THSD7B: variants seen among roughly 807,000 people sequenced by gnomAD.
THSD7B encodes thrombospondin type-1 domain-containing protein 7B.
A neutral mutation model predicts 213.6 loss-of-function variants in THSD7B; 138 were observed. The observed-to-expected ratio is 0.65, with a 90% confidence interval of 0.56 to 0.74. The LOEUF (loss-of-function observed/expected upper bound fraction) is 0.74, where lower values mean the gene tolerates loss of function less well. THSD7B is among the 30% of genes least tolerant of loss of function. THSD7B has a pLI of 0.00. For missense variants in THSD7B, 1,931 were observed against 1,991.5 expected, an observed-to-expected ratio of 0.97 and a Z score of 0.58; for synonymous variants, 742 against 687.0, an observed-to-expected ratio of 1.08 and a Z score of -1.25.
intron 2 of THSD7B, among the ~76,000 whole-genome samples, chr2:136,981,444 G>C (rs528513321): frequency 6.6e-6 from 1 of 152,280 alleles, no homozygotes; most frequent in East Asian, 1.9e-4. Flanking sequence ...TAATCTACAT[G>C]AATTTTTCTT....
At chr2:137,279,235 A>T (rs2104815126) in intron 12 of THSD7B, among the ~76,000 whole-genome samples, 1 of 152,212 alleles carries the variant, frequency 6.6e-6, no homozygotes, top group South Asian at 2.1e-4. Flanking sequence ...TGGTAAAAAT[A>T]TATTTTTTAA....
At chr2:136,821,894 C>A (rs938278951) in intron 1 of THSD7B, among the ~76,000 whole-genome samples, 1 of 152,172 alleles carries the variant, frequency 6.6e-6, no homozygotes, top group Non-Finnish European at 1.5e-5. Context: ...AGAGCTTGTG[C>A]TATGCATAGG....
chr2:137,450,108 A>G (rs1433253841), intron 14 of THSD7B, among the ~76,000 whole-genome samples: 3 of 150,506 alleles, frequency 2.0e-5, no homozygotes, highest in Non-Finnish European at 4.4e-5. Flanking sequence ...GTGGTTCAGT[A>G]GATGGTATAG....
At chr2:137,529,703 G>A (rs1041706091) in intron 15 of THSD7B, among the ~76,000 whole-genome samples, 8 of 151,150 alleles carry the variant, frequency 5.3e-5, no homozygotes, top group Non-Finnish European at 1.2e-4. Context: ...TTTTTAATAA[G>A]ATTATGGTTA....
At chr2:137,640,874 G>A (rs960502738) in intron 20 of THSD7B, among the ~76,000 whole-genome samples, 1 of 152,204 alleles carries the variant, frequency 6.6e-6, no homozygotes, top group Non-Finnish European at 1.5e-5. Context: ...GTTAGGCACA[G>A]AAGTATAAAC....
intron 15 of THSD7B, among the ~76,000 whole-genome samples, chr2:137,477,401 G>T (rs1688215697): frequency 6.6e-6 from 1 of 151,740 alleles, no homozygotes; most frequent in Admixed American, 6.6e-5. Flanking sequence ...ATCTTTACAG[G>T]TAACATGAAT....
intron 13 of THSD7B, among the ~76,000 whole-genome samples, chr2:137,406,579 G>A (rs988246389): frequency 1.4e-4 from 21 of 152,308 alleles, no homozygotes; most frequent in Admixed American, 7.8e-4. Flanking sequence ...AAGCACAGAT[G>A]ACCATTTGTT....
At chr2:137,110,152 C>A (rs1464453819) in intron 4 of THSD7B, among the ~76,000 whole-genome samples, 1 of 152,180 alleles carries the variant, frequency 6.6e-6, no homozygotes, top group Non-Finnish European at 1.5e-5. Flanking sequence ...GTAACTGGTG[C>A]CATGCCATGT....
intron 7 of THSD7B, among the ~76,000 whole-genome samples, chr2:137,191,124 T>C (rs887033652): frequency 2.0e-5 from 3 of 152,182 alleles, no homozygotes; most frequent in African/African-American, 7.2e-5. Flanking sequence ...GCAGAGGTGC[T>C]GATGATAACC....
rs370533856 is a variant in THSD7B at position 137,656,805 on chromosome 2, A to G, written c.4115A>G (p.His1372Arg). ...CTGCATGACTGTCCAGGAGACTGCC[A>G]TTTAACAGAATGGTCAGAGTGGAGC... ...LCSVPCPGDC[H>R]LTEWSEWSTC... The change falls in exon 23 of 28, where the codon CAT (histidine) becomes CGT (arginine). Residue 1372 changes from histidine (H) to arginine (R), a missense_variant. Coordinates refer to ENST00000409968, the MANE Select transcript of THSD7B (RefSeq NM_001316349.2). 36 of 1,613,824 alleles carry G rather than the reference A, an allele frequency of 2.2e-5. No individual in the cohort carries two copies. Among genetic ancestry groups the G allele is most frequent in the Non-Finnish European group, 2.8e-5 (33 of 1,179,776 alleles).
chr2:136,811,521 T>C (rs571291093), intron 1 of THSD7B, among the ~76,000 whole-genome samples: 101 of 152,274 alleles, frequency 6.6e-4, no homozygotes, highest in African/African-American at 2.4e-3. Context: ...ATAATAATTA[T>C]TTATTTATCA....
At chr2:136,986,087 T>C (rs896559346) in intron 2 of THSD7B, among the ~76,000 whole-genome samples, 12 of 152,208 alleles carry the variant, frequency 7.9e-5, no homozygotes, top group African/African-American at 2.7e-4. Context: ...ATAAATAACT[T>C]GTTTTTGATC....
chr2:137,011,886 A>G (rs916123476), intron 2 of THSD7B, among the ~76,000 whole-genome samples: 6 of 152,196 alleles, frequency 3.9e-5, no homozygotes, highest in African/African-American at 1.4e-4. Flanking sequence ...ATTGTTTGTT[A>G]AAAGGATTGC....
intron 7 of THSD7B, among the ~76,000 whole-genome samples, chr2:137,177,553 C>A (rs1680382022): frequency 6.6e-6 from 1 of 152,142 alleles, no homozygotes; most frequent in South Asian, 2.1e-4. Context: ...ATGTTTCCAG[C>A]CCCTACCCCA....
At chr2:136,837,915 G>A (rs1424788389) in intron 1 of THSD7B, among the ~76,000 whole-genome samples, 2 of 152,178 alleles carry the variant, frequency 1.3e-5, no homozygotes, top group South Asian at 2.1e-4. Flanking sequence ...AATGGGTTCA[G>A]GCATAGGACC....
rs755824865 is a variant in THSD7B at position 137,232,913 on chromosome 2, C to A, written c.1930C>A (p.Pro644Thr). The change falls in exon 9 of 28, where the codon CCC becomes ACC. Residue 644 changes from proline to threonine, a missense_variant. Coordinates refer to ENST00000409968, the MANE Select transcript of THSD7B (RefSeq NM_001316349.2). ...ALAGEGGKPC[P>T]PSQALQEHRL... ...ATTTTTGGCAGGTGGAAAGCCATGTCCCCCTAGTCAGGCTCTCCAAGAGCA... is the reference window on the plus strand; with the variant it reads ...ATTTTTGGCAGGTGGAAAGCCATGTACCCCTAGTCAGGCTCTCCAAGAGCA... The A allele has an allele frequency of 5.2e-5, 84 of 1,613,740 alleles. No individual in the cohort carries two copies. Among genetic ancestry groups the A allele is most frequent in the Admixed American group, 3.3e-4 (20 of 59,982 alleles).
chr2:137,094,821 AGTTG>A lies in THSD7B; in HGVS notation c.951-51_951-48del. The A allele has an allele frequency of 2.5e-6, 4 of 1,575,880 alleles. No individual in the cohort carries two copies. In the South Asian group the frequency reaches 4.7e-5, roughly 18 times the overall value. The stretch of plus-strand genomic sequence containing the variant: ...CTCATGGTAGGCACTTTATAATGTT[AGTTG>A]CATCCATTAATATATGGCCTCCTAT... On this transcript the variant is annotated intron_variant, in intron 3 of 27. Coordinates refer to ENST00000409968, the MANE Select transcript of THSD7B (RefSeq NM_001316349.2).
intron 15 of THSD7B, among the ~76,000 whole-genome samples, chr2:137,495,622 C>T (rs1244458120): frequency 6.6e-6 from 1 of 152,136 alleles, no homozygotes; most frequent in Non-Finnish European, 1.5e-5. Context: ...ATTAACCATC[C>T]AAATGATTGG....
intron 10 of THSD7B, among the ~76,000 whole-genome samples, chr2:137,251,210 A>G (rs951963855): frequency 1.3e-5 from 2 of 152,228 alleles, no homozygotes; most frequent in Non-Finnish European, 1.5e-5. Flanking sequence ...AATTTTCCTC[A>G]TAAAAATTTG....
Sources: allele counts gnomAD v4.1 joint callset (sites outside exome capture counted in the v4.1 genomes callset), GRCh38; gene constraint gnomAD v4.1.1; transcripts MANE v1.5; gene names NCBI Gene and HGNC (gene_info 2026-07-23, HGNC 2026-07-21).